The following PLCZ1 variants were observed in gnomAD, a reference collection of about 807,000 sequenced individuals.
The protein encoded by PLCZ1 is 1-phosphatidylinositol 4,5-bisphosphate phosphodiesterase zeta-1.
A neutral mutation model predicts 76.8 loss-of-function variants in PLCZ1; 64 were observed. The ratio of observed to expected loss-of-function variants is 0.83; its 90% CI spans 0.68 to 1.03. The LOEUF (loss-of-function observed/expected upper bound fraction) is 1.03, where lower values mean the gene tolerates loss of function less well. Among genes scored for constraint, PLCZ1 ranks in the 50% least tolerant of loss-of-function variants. The pLI is 0.00. For missense variants in PLCZ1, 751 were observed against 713.7 expected (o/e 1.05, Z -0.60); for synonymous variants, 248 against 230.8 (o/e 1.07, Z -0.68).
downstream of PLCZ1, among the ~76,000 whole-genome samples, chr12:18,679,006 T>C (rs778314852): frequency 6.6e-6 from 1 of 152,040 alleles, no homozygotes; most frequent in Non-Finnish European, 1.5e-5. Flanking sequence ...TTTGGTGTGG[T>C]CATTTGTGTT....
intron 3 of PLCZ1, among the ~76,000 whole-genome samples, chr12:18,728,306 G>T (rs141822531): frequency 6.6e-6 from 1 of 152,260 alleles, no homozygotes; most frequent in African/African-American, 2.4e-5. Flanking sequence ...TGTATAAAAA[G>T]AAGCTAACAA....
intron 12 of PLCZ1, among the ~76,000 whole-genome samples, chr12:18,690,327 G>A (rs767884425): frequency 2.0e-4 from 30 of 152,036 alleles, no homozygotes; most frequent in East Asian, 5.8e-4. Context: ...GGATTCAAGC[G>A]ATTCTTCTGC....
At chr12:18,701,847 G>C in intron 7 of PLCZ1, 71 bp from the exon 8 acceptor site, 19 of 1,535,192 alleles carry the variant, frequency 1.2e-5, no homozygotes, top group Non-Finnish European at 1.7e-5. Flanking sequence ...TCACTGAAAA[G>C]TGTTTCACTA....
At chr12:18,655,907 T>C in the PLCZ1 span, among the ~76,000 whole-genome samples, 1,758 of 152,310 alleles carry the variant, frequency 0.012, 14 homozygotes, top group Non-Finnish European at 0.019. Flanking sequence ...GACTACTCTA[T>C]GTAATGTGGT....
the PLCZ1 span, among the ~76,000 whole-genome samples, chr12:18,662,233 T>A: frequency 2.0e-5 from 3 of 152,076 alleles, no homozygotes; most frequent in African/African-American, 4.8e-5. Context: ...ACCTGGCTGA[T>A]GAAATAATCT....
At chr12:18,659,466 T>C in the PLCZ1 span, among the ~76,000 whole-genome samples, 1 of 152,232 alleles carries the variant, frequency 6.6e-6, no homozygotes, top group African/African-American at 2.4e-5. Flanking sequence ...AACAAGAATA[T>C]TCTCTCTCTT....
intron 7 of PLCZ1, among the ~76,000 whole-genome samples, chr12:18,704,876 A>G (rs1956407913): frequency 6.6e-6 from 1 of 152,150 alleles, no homozygotes; most frequent in Non-Finnish European, 1.5e-5. Flanking sequence ...TGTAAAACAT[A>G]CTAAATTTCT....
At chr12:18,685,162 T>C (rs1468904961) in intron 13 of PLCZ1, among the ~76,000 whole-genome samples, 1 of 152,042 alleles carries the variant, frequency 6.6e-6, no homozygotes, top group African/African-American at 2.4e-5. Flanking sequence ...GAAAGCTAGA[T>C]AACAAACTAA....
chr12:18,696,339 T>TC (rs1955016489), intron 10 of PLCZ1, 73 bp from the exon 11 acceptor site: 2 of 260,016 alleles, frequency 7.7e-6, no homozygotes, highest in South Asian at 1.6e-4. Flanking sequence ...TATATATATA[T>TC]ATATATATAT....
At chr12:18,685,601 C>A (rs1952987223) in intron 13 of PLCZ1, 2 of 514,072 alleles carry the variant, frequency 3.9e-6, no homozygotes, top group South Asian at 1.4e-5. Flanking sequence ...GCAGTCTATG[C>A]CCACAGAAAT....
At chr12:18,694,084 G>A in intron 12 of PLCZ1, 2 of 1,189,900 alleles carry the variant, frequency 1.7e-6, no homozygotes, top group South Asian at 1.3e-5. Context: ...ACACCCCTGA[G>A]GGGCTGTATC....
the PLCZ1 span, among the ~76,000 whole-genome samples, chr12:18,663,116 T>C: frequency 1.3e-5 from 2 of 152,012 alleles, no homozygotes; most frequent in African/African-American, 4.8e-5. Flanking sequence ...ACAATGAATA[T>C]TATACTCAAT....
intron 3 of PLCZ1, among the ~76,000 whole-genome samples, chr12:18,725,390 T>C (rs937387680): frequency 2.0e-5 from 3 of 152,054 alleles, no homozygotes; most frequent in African/African-American, 7.2e-5. Context: ...AAGAGAAAAC[T>C]GAAGCACAAA....
the PLCZ1 span, among the ~76,000 whole-genome samples, chr12:18,674,830 C>T: frequency 6.6e-6 from 1 of 152,090 alleles, no homozygotes; most frequent in Non-Finnish European, 1.5e-5. Context: ...ACAGATTGCA[C>T]CCTCTGCTCT....
At chr12:18,671,582 CAGGTGT>C in the PLCZ1 span, among the ~76,000 whole-genome samples, 1 of 152,076 alleles carries the variant, frequency 6.6e-6, no homozygotes, top group Non-Finnish European at 1.5e-5. Flanking sequence ...TTTGATTTCT[CAGGTGT>C]ACTAGGCACA....
intron 10 of PLCZ1, among the ~76,000 whole-genome samples, chr12:18,699,050 T>C (rs1247535420): frequency 6.6e-6 from 1 of 152,138 alleles, no homozygotes. Flanking sequence ...ATTCTCTTTC[T>C]CAGGCCCCGT....
the PLCZ1 span, among the ~76,000 whole-genome samples, chr12:18,656,953 C>A: frequency 1.4e-4 from 22 of 152,236 alleles, no homozygotes; most frequent in South Asian, 4.1e-4. Flanking sequence ...TTTAAGGCAG[C>A]CCTAATGACA....
At chr12:18,655,617 C>T in the PLCZ1 span, among the ~76,000 whole-genome samples, 1 of 152,082 alleles carries the variant, frequency 6.6e-6, no homozygotes, top group Non-Finnish European at 1.5e-5. Flanking sequence ...AATACTGCCT[C>T]AGGCAGGTAG....
chr12:18,690,611 G>T (rs1425459960), intron 12 of PLCZ1, among the ~76,000 whole-genome samples: 1 of 152,128 alleles, frequency 6.6e-6, no homozygotes, highest in Non-Finnish European at 1.5e-5. Context: ...TGTGATAAAT[G>T]CCATAATATA....
Sources: allele counts gnomAD v4.1 joint callset (sites outside exome capture counted in the v4.1 genomes callset), GRCh38; gene constraint gnomAD v4.1.1; transcripts MANE v1.5; gene names NCBI Gene and HGNC (gene_info 2026-07-23, HGNC 2026-07-21).